ARHGAP31: variants seen among roughly 807,000 people sequenced by gnomAD.
ARHGAP31 encodes the protein Rho GTPase activating protein 31, also known as rho GTPase-activating protein 31.
ARHGAP31 carries 34 observed loss-of-function variants against 113.9 expected under a neutral mutation model. The observed-to-expected ratio is 0.30, with a 90% CI of 0.23 to 0.40. ARHGAP31 has a LOEUF of 0.40. Among genes scored for constraint, ARHGAP31 ranks in the 10% least tolerant of loss-of-function variants. ARHGAP31 has a pLI of 1.00. For synonymous variants in ARHGAP31, 650 were observed against 684.8 expected (o/e 0.95, Z 0.79); for missense variants, 1,548 against 1,767.1 (o/e 0.88, Z 2.22).
chr3:119,404,398 G>A (rs753254493), intron 10 of ARHGAP31, among the ~76,000 whole-genome samples: 1 of 152,158 alleles, frequency 6.6e-6, no homozygotes, highest in Non-Finnish European at 1.5e-5. Flanking sequence ...GGCAGAAAGA[G>A]GGGCCTTGTG....
intron 3 of ARHGAP31, among the ~76,000 whole-genome samples, chr3:119,375,090 T>A (rs912905631): frequency 1.3e-5 from 2 of 152,188 alleles, no homozygotes; most frequent in African/African-American, 4.8e-5. Context: ...AATAGGGGAT[T>A]TTTTATTTTC....
At chr3:119,381,927 A>T (rs891673523) in intron 4 of ARHGAP31, among the ~76,000 whole-genome samples, 1 of 146,092 alleles carries the variant, frequency 6.8e-6, no homozygotes, top group Non-Finnish European at 1.5e-5. Context: ...CGGAGCTTGC[A>T]GTGAGCTGAG....
At chr3:119,402,846 A>G (rs1577031247) in intron 10 of ARHGAP31, among the ~76,000 whole-genome samples, 1 of 152,142 alleles carries the variant, frequency 6.6e-6, no homozygotes, top group African/African-American at 2.4e-5. Flanking sequence ...CTTTCCATCC[A>G]CCCATCCTTA....
In ARHGAP31 at chr3:119,416,292, A is replaced by C; in HGVS notation, c.*28A>C. ...TCGGTTCACCTGCTGGTGTCTGAAA[A>C]AAACCGTGATTCATCTGGAAGTTAT... On this transcript the variant is annotated 3_prime_UTR_variant, in exon 12 of 12. Coordinates refer to ENST00000264245, the MANE Select transcript of ARHGAP31 (RefSeq NM_020754.4). 1 of 1,610,904 alleles carries C rather than the reference A, an allele frequency of 6.2e-7. No homozygotes were observed. Among genetic ancestry groups the C allele is most frequent in the South Asian group, 1.1e-5 (1 of 90,996 alleles).
intron 1 of ARHGAP31, chr3:119,324,988 A>G (rs1233605616): frequency 6.6e-6 from 3 of 456,348 alleles, no homozygotes; most frequent in Non-Finnish European, 1.3e-5. Flanking sequence ...CCTCATGTCA[A>G]TAGTGGCATA....
At chr3:119,334,819 T>C (rs1218820623) in intron 1 of ARHGAP31, among the ~76,000 whole-genome samples, 1 of 152,212 alleles carries the variant, frequency 6.6e-6, no homozygotes, top group Non-Finnish European at 1.5e-5. Context: ...GCCCTTATTT[T>C]ACAAAGGAAG....
intron 1 of ARHGAP31, among the ~76,000 whole-genome samples, chr3:119,335,917 A>T (rs1316863119): frequency 2.6e-5 from 4 of 152,226 alleles, no homozygotes; most frequent in African/African-American, 4.8e-5. Context: ...TCAAGCCTGT[A>T]ATCCCAGCAT....
At chr3:119,329,025 A>G (rs932275407) in intron 1 of ARHGAP31, among the ~76,000 whole-genome samples, 7 of 152,248 alleles carry the variant, frequency 4.6e-5, no homozygotes, top group Non-Finnish European at 8.8e-5. Flanking sequence ...AAAGGTAACT[A>G]TTAGACAATT....
At position 119,403,611 on chromosome 3, in the gene ARHGAP31, A is replaced by G. The variant is rs577175333; in HGVS notation, c.1645+1214A>G. Among the ~76,000 whole-genome samples, 14 of 152,316 alleles carry G rather than the reference A, an allele frequency of 9.2e-5. 1 individual carries two copies. In the South Asian group the frequency reaches 2.9e-3, roughly 32 times the overall value. On this transcript the variant is annotated intron_variant, in intron 10 of 11. Coordinates refer to ENST00000264245, the MANE Select transcript of ARHGAP31 (RefSeq NM_020754.4). ...GAATTAGGGAGGGGTTAGGTACCCA[A>G]AGCATCATGAAAGAGGTGTTCCTAA...
At chr3:119,344,827 T>A (rs2080039761) in intron 1 of ARHGAP31, among the ~76,000 whole-genome samples, 1 of 152,130 alleles carries the variant, frequency 6.6e-6, no homozygotes, top group African/African-American at 2.4e-5. Flanking sequence ...TAGATTGTAT[T>A]ATTAGCTTCA....
At chr3:119,384,663 A>T (rs192247562) in intron 6 of ARHGAP31, among the ~76,000 whole-genome samples, 13 of 152,304 alleles carry the variant, frequency 8.5e-5, no homozygotes, top group Admixed American at 2.0e-4. Context: ...ACATGAATCC[A>T]CTTAGAAGGG....
intron 9 of ARHGAP31, among the ~76,000 whole-genome samples, chr3:119,401,361 A>C (rs549497958): frequency 6.6e-6 from 1 of 152,282 alleles, no homozygotes; most frequent in South Asian, 2.1e-4. Context: ...CTGCCAGAGA[A>C]AACTTAAAAC....
At chr3:119,316,494 T>C (rs887227761) in intron 1 of ARHGAP31, among the ~76,000 whole-genome samples, 2 of 152,204 alleles carry the variant, frequency 1.3e-5, no homozygotes, top group African/African-American at 4.8e-5. Context: ...GCTTTAAAGA[T>C]AGGTAATCAG....
At chr3:119,369,789 A>T (rs1007623839) in intron 3 of ARHGAP31, among the ~76,000 whole-genome samples, 1 of 152,226 alleles carries the variant, frequency 6.6e-6, no homozygotes, top group African/African-American at 2.4e-5. Flanking sequence ...GGGATTTCAG[A>T]CAGTTTTTCT....
chr3:119,335,633 G>A (rs189509089), intron 1 of ARHGAP31, among the ~76,000 whole-genome samples: 2 of 152,322 alleles, frequency 1.3e-5, no homozygotes, highest in Non-Finnish European at 2.9e-5. Flanking sequence ...AGGAGTATGT[G>A]GCAGCCACAC....
At chr3:119,401,089 T>G (rs1354887169) in intron 9 of ARHGAP31, among the ~76,000 whole-genome samples, 6 of 150,768 alleles carry the variant, frequency 4.0e-5, no homozygotes, top group Non-Finnish European at 8.8e-5. Flanking sequence ...GAGAATCACT[T>G]CAACCCGGGA....
intron 9 of ARHGAP31, among the ~76,000 whole-genome samples, chr3:119,400,562 TG>T (rs1375915512): frequency 6.6e-6 from 1 of 152,254 alleles, no homozygotes; most frequent in Non-Finnish European, 1.5e-5. Flanking sequence ...CTATTTGCTT[TG>T]GTTTGGAAAC....
At chr3:119,303,782 GT>G (rs140742505) in intron 1 of ARHGAP31, among the ~76,000 whole-genome samples, 7 of 150,694 alleles carry the variant, frequency 4.6e-5, no homozygotes, top group African/African-American at 1.5e-4. Context: ...CTCTTTTCAT[GT>G]TTTTTGTTGT....
intron 1 of ARHGAP31, among the ~76,000 whole-genome samples, chr3:119,362,454 G>A (rs781228292): frequency 2.0e-4 from 31 of 152,158 alleles, no homozygotes; most frequent in Non-Finnish European, 3.7e-4. Flanking sequence ...GCTAAAGAAA[G>A]ACACAACAGC....
Sources: allele counts gnomAD v4.1 joint callset (sites outside exome capture counted in the v4.1 genomes callset), GRCh38; gene constraint gnomAD v4.1.1; transcripts MANE v1.5; gene names NCBI Gene and HGNC (gene_info 2026-07-23, HGNC 2026-07-21).